ZNF112: variants seen among roughly 807,000 people sequenced by gnomAD.
The protein encoded by ZNF112 is zinc finger protein 112.
In ZNF112, 37 loss-of-function variants were observed where a neutral mutation model predicts 77.7. The ratio of observed to expected loss-of-function variants is 0.48; its 90% CI spans 0.37 to 0.63. ZNF112 has a LOEUF of 0.63. Ranked by LOEUF, ZNF112 falls within the 20% of genes least tolerant of loss-of-function variation. The pLI is 0.00. For synonymous variants in ZNF112, 333 were observed against 363.6 expected (o/e 0.92, Z 0.96); for missense variants, 950 against 1,077.4 (o/e 0.88, Z 1.66).
rs1568665544 is a variant in ZNF112 at position 44,337,362 on chromosome 19, T to TTATATATATTTTATATATATAATATA, written c.125-645_125-644insTATATTATATATATAAAATATATATA. ...ATTTTGTATATGTGTAAAATATATATTATTATATATATTTTATATATAATA... is the reference window on the plus strand; with the variant it reads ...ATTTTGTATATGTGTAAAATATATATTATATATATTTTATATATATAATATATATTATATATATTTTATATATAATA... On this transcript the variant is annotated intron_variant, in intron 2 of 3. Transcript: ENST00000354340. Among the ~76,000 whole-genome samples, 7 of 30,466 alleles carry TTATATATATTTTATATATATAATATA rather than the reference T, an allele frequency of 2.3e-4. 1 individual carries two copies. The highest frequency in any genetic ancestry group is 4.6e-4 in the Non-Finnish European group (7 of 15,292). 20.0% of individuals were successfully genotyped at this position (30,466 alleles called of 152,430 possible).
chr19:44,341,677 C>G (rs1344516337), intron 1 of ZNF112, among the ~76,000 whole-genome samples: 1 of 152,172 alleles, frequency 6.6e-6, no homozygotes, highest in Non-Finnish European at 1.5e-5. Flanking sequence ...TGCTGTTCAT[C>G]TCGATTTCTT....
rs923509278 is a variant in ZNF112, at chr19:44,356,678, T to G, written c.-56A>C. ...CTAGCGTACCTGGGGCGGAAGTGGC[T>G]CTGCCTACCGAGACCTCCTGGACTA... On this transcript the variant is annotated 5_prime_UTR_variant, in exon 1 of 4. Transcript: ENST00000354340. The G allele has an allele frequency of 1.3e-5, 2 of 152,286 alleles. No individual in the cohort carries two copies. Among genetic ancestry groups the G allele is most frequent in the African/African-American group, 4.8e-5 (2 of 41,442 alleles). 9.4% of individuals were successfully genotyped at this position (152,286 alleles called of 1,614,324 possible).
At chr19:44,333,066 G>A (rs1263728191) in intron 3 of ZNF112, among the ~76,000 whole-genome samples, 1 of 152,218 alleles carries the variant, frequency 6.6e-6, no homozygotes, top group Non-Finnish European at 1.5e-5. Context: ...GACATCATTT[G>A]AGGTAAGAAG....
chr19:44,336,559 G>T, intron 3 of ZNF112, 64 bp downstream of exon 3: 1 of 1,335,838 alleles, frequency 7.5e-7, no homozygotes, highest in Non-Finnish European at 1.1e-6. Context: ...GAGAAGTGAT[G>T]TGTTCTGACT....
chr19:44,353,850 T>C (rs1568676969), intron 1 of ZNF112, among the ~76,000 whole-genome samples: 2 of 152,082 alleles, frequency 1.3e-5, no homozygotes, highest in Non-Finnish European at 2.9e-5. Context: ...ACATTCCCCA[T>C]ATGATCCAGT....
chr19:44,327,719 C>T lies in ZNF112; in HGVS notation c.2438G>A (p.Ser813Asn). ...GTGGACTCTGTGATGGGCTTGAAGA[C>T]TTGAATACCCACTGAAACCCTTACC... ...QCGKGFSGYS[S>N]LQAHHRVHTG... The change falls in exon 4 of 4, where the codon AGT (serine) becomes AAT (asparagine). Residue 813 changes from serine (S) to asparagine (N), a missense_variant. Coordinates refer to ENST00000354340, the MANE Select transcript of ZNF112 (RefSeq NM_013380.4). The T allele has an allele frequency of 6.2e-7, 1 of 1,611,302 alleles. No individual in the cohort carries two copies. Among genetic ancestry groups the T allele is most frequent in the Non-Finnish European group, 8.5e-7 (1 of 1,179,132 alleles).
In ZNF112 at chr19:44,340,526, T is replaced by C. The variant is rs1391229880; in HGVS notation, c.14A>G (p.Lys5Arg). The C allele has an allele frequency of 1.2e-5, 19 of 1,613,946 alleles. No individual in the cohort carries two copies. Among genetic ancestry groups the C allele is most frequent in the Non-Finnish European group, 1.4e-5 (17 of 1,179,946 alleles). The stretch of plus-strand genomic sequence containing the variant: ...CTCAGTGAAGACCACAGCAACATCC[T>C]TGAATGTCACCATCTCCTACAATGC... MVTF[K>R]DVAVVFTEEE... Residue 5 changes from lysine (K) to arginine (R), a missense_variant, in exon 2 of 4, where the codon AAG becomes AGG. Physicochemically the swap from Lys to Arg is conservative, Grantham distance 26 (BLOSUM62 2). Around this residue, in one of 3 missense-constraint regions of ZNF112, gnomAD observed 17 missense variants for 37.3 expected, o/e 0.46. Transcript: ENST00000354340.
At chr19:44,355,571 A>T (rs1970772086) in intron 1 of ZNF112, among the ~76,000 whole-genome samples, 1 of 152,226 alleles carries the variant, frequency 6.6e-6, no homozygotes, top group South Asian at 2.1e-4. Flanking sequence ...ATTTGAATTC[A>T]AATCCCAGCT....
At chr19:44,332,168 C>G (rs532521712) in intron 3 of ZNF112, among the ~76,000 whole-genome samples, 1 of 152,264 alleles carries the variant, frequency 6.6e-6, no homozygotes, top group East Asian at 1.9e-4. Flanking sequence ...CAACTCCAGC[C>G]TGGGCAGCAT....
At chr19:44,336,600 T>C (rs758399579) in intron 3 of ZNF112, 23 bp downstream of exon 3, 2 of 1,591,492 alleles carry the variant, frequency 1.3e-6, no homozygotes, top group South Asian at 1.1e-5. Context: ...CTGGCTGCTG[T>C]GTTCCTGCAG....
chr19:44,353,684 A>C (rs1970733336), intron 1 of ZNF112, among the ~76,000 whole-genome samples: 1 of 152,136 alleles, frequency 6.6e-6, no homozygotes, highest in Non-Finnish European at 1.5e-5. Context: ...GGAAATGTAA[A>C]TTAAAGTCAC....
Position 44,327,520 on chromosome 19 carries a change from A to G in ZNF112, c.2637T>C (p.Ser879=), listed in dbSNP as rs532150047. The change falls in exon 4 of 4, where the codon AGT becomes AGC. Residue 879 remains serine, a synonymous_variant. Transcript: ENST00000354340. ...GLLIHQRVHS[S]DKFYKSEDYG... is the part of the protein sequence containing the mutation. ...AGTCTTCGCTTTTATAGAATTTATC[A>G]CTACTATGGACTCTTTGATGAATGA... 4 of 1,613,936 alleles carry G rather than the reference A, an allele frequency of 2.5e-6. No homozygotes were observed. Among genetic ancestry groups the G allele is most frequent in the South Asian group, 2.2e-5 (2 of 91,060 alleles).
At chr19:44,337,326 AATAT>A (rs1042068249) in intron 2 of ZNF112, among the ~76,000 whole-genome samples, 2 of 92,110 alleles carry the variant, frequency 2.2e-5, no homozygotes. Flanking sequence ...ATATGTATAA[AATAT>A]ATATACATTT....
At chr19:44,331,708 C>T (rs1308809755) in intron 3 of ZNF112, among the ~76,000 whole-genome samples, 1 of 152,136 alleles carries the variant, frequency 6.6e-6, no homozygotes, top group Non-Finnish European at 1.5e-5. Context: ...CCTTTCACTG[C>T]CAAGTGAACA....
chr19:44,349,022 A>G (rs1045382072), intron 1 of ZNF112, among the ~76,000 whole-genome samples: 1 of 152,110 alleles, frequency 6.6e-6, no homozygotes, highest in African/African-American at 2.4e-5. Flanking sequence ...GTTGAAAAAA[A>G]TCCTGAAAAG....
chr19:44,341,561 AAAAATCTTTCAT>A (rs1489525318), intron 1 of ZNF112, among the ~76,000 whole-genome samples: 1 of 152,232 alleles, frequency 6.6e-6, no homozygotes, highest in Non-Finnish European at 1.5e-5. Flanking sequence ...AGCTTTTTAA[AAAAATCTTTCAT>A]AATCTCACAA....
chr19:44,342,728 T>C (rs529524630), intron 1 of ZNF112, among the ~76,000 whole-genome samples: 25 of 151,816 alleles, frequency 1.6e-4, no homozygotes, highest in African/African-American at 5.6e-4. Context: ...AGGCAGAGAA[T>C]TGCTGGAATC....
intron 1 of ZNF112, among the ~76,000 whole-genome samples, chr19:44,347,485 A>ACTTTTTTT (rs1555804139): frequency 1.7e-4 from 7 of 40,320 alleles, no homozygotes; most frequent in African/African-American, 2.9e-4. Context: ...TTTTGGGTTG[A>ACTTTTTTT]TTTTTTTTTT....
rs146905509 is a variant in ZNF112 at position 44,349,489 on chromosome 19, G to A, written c.-4+7137C>T. 2.6e-3 allele frequency among the ~76,000 whole-genome samples: 390 copies of A among 152,094 alleles called. 3 individuals carry two copies. Among genetic ancestry groups the A allele is most frequent in the Middle Eastern group, 0.01 (3 of 294 alleles). On this transcript the variant is annotated intron_variant, in intron 1 of 3. Coordinates refer to ENST00000354340, the MANE Select transcript of ZNF112 (RefSeq NM_013380.4). ...ATTGTGCTTCCTATGCAGTGACAAC[G>A]TATCTATGCTAAACTAATCAAACCT...
Sources: allele counts gnomAD v4.1 joint callset (sites outside exome capture counted in the v4.1 genomes callset), GRCh38; gene constraint gnomAD v4.1.1; regional missense constraint gnomAD v4.1.1; transcripts MANE v1.5; gene names NCBI Gene and HGNC (gene_info 2026-07-23, HGNC 2026-07-21).